Variants in IGSF11 observed in about 807,000 individuals in gnomAD.
IGSF11 encodes CXADR like 1.
In IGSF11, 22 loss-of-function variants were observed where a neutral mutation model predicts 41.0. That is an observed-to-expected ratio of 0.54 (90% confidence interval 0.38 to 0.77). IGSF11 has a LOEUF of 0.77. Among genes scored for constraint, IGSF11 ranks in the 30% least tolerant of loss-of-function variants. IGSF11 has a pLI of 0.00. For synonymous variants in IGSF11, 219 were observed against 201.3 expected (o/e 1.09, Z -0.74); for missense variants, 444 against 530.8 (o/e 0.84, Z 1.61).
chr3:119,067,241 C>T (rs547666674), intron 1 of IGSF11, among the ~76,000 whole-genome samples: 25 of 152,276 alleles, frequency 1.6e-4, no homozygotes, highest in Admixed American at 3.3e-4. Context: ...AATCCAATTA[C>T]GGAGCTGGGT....
chr3:119,122,782 C>T (rs1385602746), intron 1 of IGSF11, among the ~76,000 whole-genome samples: 1 of 152,138 alleles, frequency 6.6e-6, no homozygotes, highest in Non-Finnish European at 1.5e-5. Flanking sequence ...GAACCCACTG[C>T]CTTGAAGGTC....
At chr3:119,080,714 G>A (rs903498840) in intron 1 of IGSF11, among the ~76,000 whole-genome samples, 2 of 152,172 alleles carry the variant, frequency 1.3e-5, no homozygotes, top group Non-Finnish European at 2.9e-5. Context: ...TTTAATTAAA[G>A]CCACTGTGAA....
intron 1 of IGSF11, among the ~76,000 whole-genome samples, chr3:119,020,384 C>T (rs1021403892): frequency 2.6e-5 from 4 of 152,208 alleles, no homozygotes; most frequent in Admixed American, 2.6e-4. Flanking sequence ...TCATGCACAG[C>T]TGCACAGCAT....
At chr3:118,995,581 T>G (rs1936186041) in intron 1 of IGSF11, among the ~76,000 whole-genome samples, 1 of 152,174 alleles carries the variant, frequency 6.6e-6, no homozygotes. Context: ...ATTTCAAGAC[T>G]GACTAGATGT....
chr3:119,034,482 C>T (rs1299865574), intron 1 of IGSF11, 49 bp downstream of exon 1: 2 of 1,459,518 alleles, frequency 1.4e-6, no homozygotes, highest in African/African-American at 1.4e-5. Flanking sequence ...GCCCCGGGCC[C>T]GCCGACCCGG....
At chr3:119,036,312 C>T (rs953597141), upstream of IGSF11, among the ~76,000 whole-genome samples, 2 of 152,128 alleles carry the variant, frequency 1.3e-5, no homozygotes, top group African/African-American at 4.8e-5. Context: ...TATGATATCA[C>T]GAGGCTCATT....
intron 1 of IGSF11, among the ~76,000 whole-genome samples, chr3:118,933,044 T>C (rs72966889): frequency 0.14 from 21,496 of 152,180 alleles, 2,150 homozygotes; most frequent in African/African-American, 0.26. Context: ...AACAGGACGG[T>C]TGGCACAGAG....
chr3:119,094,671 A>ATT (rs59894832), intron 1 of IGSF11, among the ~76,000 whole-genome samples: 165 of 137,478 alleles, frequency 1.2e-3, no homozygotes, highest in East Asian at 3.0e-3. Context: ...GAGCAACTCT[A>ATT]TTTTTTTTTT....
At chr3:119,007,321 C>T (rs1324030188) in intron 1 of IGSF11, among the ~76,000 whole-genome samples, 1 of 140,326 alleles carries the variant, frequency 7.1e-6, no homozygotes. Flanking sequence ...CCTGCTTCGG[C>T]TCGCGCACGG....
chr3:119,033,786 T>C (rs1000727633), intron 1 of IGSF11, among the ~76,000 whole-genome samples: 4 of 152,174 alleles, frequency 2.6e-5, no homozygotes, highest in Admixed American at 6.5e-5. Flanking sequence ...CAGCACTGCA[T>C]AGGATGAAAA....
chr3:119,076,161 A>G (rs1411744744), intron 1 of IGSF11, among the ~76,000 whole-genome samples: 3 of 152,254 alleles, frequency 2.0e-5, no homozygotes, highest in Non-Finnish European at 4.4e-5. Flanking sequence ...GAAATGGGGA[A>G]AGGATTACCT....
In IGSF11 at chr3:118,930,119, G is replaced by A; in HGVS notation, c.209C>T (p.Pro70Leu). The change falls in exon 2 of 7, where the codon CCT becomes CTT. Residue 70 changes from proline to leucine, a missense_variant. By Grantham distance (98) the Pro-to-Leu change is moderately conservative. Coordinates refer to ENST00000393775, the MANE Select transcript of IGSF11 (RefSeq NM_001015887.3). ...AGGATGCAACAGAAATACCTGTTCA[G>A]GTTGGTTGGCATTGGAGAGAGGAGT... ...MVTPLSNANQ[P>L]EQVILYQGGQ... The A allele has an allele frequency of 1.2e-6, 2 of 1,613,106 alleles. No individual in the cohort carries two copies. The highest frequency in any genetic ancestry group is 1.7e-6 in the Non-Finnish European group (2 of 1,179,490).
Position 118,904,865 on chromosome 3 carries a change from C to T in IGSF11, c.704-67G>A, listed in dbSNP as rs185980437. On this transcript the variant is annotated intron_variant, in intron 5 of 6. Transcript: ENST00000393775. ...AGAGAAATAGCATATACCCATGCAA[C>T]TGTAATAAGCACATAAGCTTACTAA... 7.0e-6 allele frequency: 9 copies of T among 1,277,522 alleles called. No individual in the cohort carries two copies. In the East Asian group the frequency reaches 2.1e-4, roughly 30 times the overall value. 79.1% of individuals were successfully genotyped at this position (1,277,522 alleles called of 1,614,324 possible). A position where few individuals can be genotyped will look rare whatever the true frequency, so the allele number is the denominator to read the frequency against.
intron 1 of IGSF11, among the ~76,000 whole-genome samples, chr3:119,120,614 T>C (rs942600167): frequency 5.3e-5 from 8 of 152,208 alleles, no homozygotes; most frequent in South Asian, 2.1e-4. Flanking sequence ...TGACCAGGTG[T>C]GCCATTTACA....
At chr3:118,920,258 A>T (rs1241715368) in intron 4 of IGSF11, among the ~76,000 whole-genome samples, 1 of 82,714 alleles carries the variant, frequency 1.2e-5, no homozygotes, top group Non-Finnish European at 3.3e-5. Flanking sequence ...CTTAAAGTAT[A>T]AAAAAAAAAA....
chr3:118,905,456 A>G, intron 5 of IGSF11, 140 bp downstream of exon 5: 1 of 892,504 alleles, frequency 1.1e-6, no homozygotes, highest in Non-Finnish European at 1.7e-6. Flanking sequence ...ACAATTTTCA[A>G]TAATAATTAA....
chr3:119,118,616 A>C (rs2077291745), intron 1 of IGSF11, among the ~76,000 whole-genome samples: 1 of 152,250 alleles, frequency 6.6e-6, no homozygotes, highest in African/African-American at 2.4e-5. Context: ...TTAATGATTA[A>C]CATTCAGCTC....
At chr3:119,098,004 A>G (rs1043694462) in intron 1 of IGSF11, among the ~76,000 whole-genome samples, 4 of 89,990 alleles carry the variant, frequency 4.4e-5, no homozygotes, top group African/African-American at 7.6e-5. Flanking sequence ...GGGTCTTGCC[A>G]TGTTGCCCAG....
intron 1 of IGSF11, among the ~76,000 whole-genome samples, chr3:119,041,296 TG>T (rs1941110522): frequency 6.6e-6 from 1 of 152,176 alleles, no homozygotes; most frequent in African/African-American, 2.4e-5. Context: ...AGAATAAAAA[TG>T]GTGGCCAGAT....
Sources: gnomAD v4.1 joint callset for allele counts (sites outside exome capture counted in the v4.1 genomes callset) on GRCh38, gnomAD v4.1.1 for gene constraint, MANE v1.5 for transcripts, NCBI Gene and HGNC (gene_info 2026-07-23, HGNC 2026-07-21) for gene names.